Variants in GRIK3 observed in about 807,000 individuals in gnomAD.
GRIK3 encodes glutamate ionotropic receptor kainate type subunit 3.
GRIK3 carries 29 observed loss-of-function variants against 102.5 expected under a neutral mutation model. The observed-to-expected ratio is 0.28, with a 90% confidence interval of 0.21 to 0.39. The LOEUF is 0.39. Ranked by LOEUF, GRIK3 falls within the 10% of genes least tolerant of loss-of-function variation. The probability of loss-of-function intolerance (pLI) is 1.00; values close to 1 mark genes in which losing one functional copy is unlikely to be tolerated. For synonymous variants in GRIK3, 511 were observed against 504.9 expected, an observed-to-expected ratio of 1.01 and a Z score of -0.16; for missense variants, 908 against 1,252.4, an observed-to-expected ratio of 0.73 and a Z score of 4.15.
At chr1:36,921,758 T>C (rs1349938943) in intron 1 of GRIK3, among the ~76,000 whole-genome samples, 1 of 152,140 alleles carries the variant, frequency 6.6e-6, no homozygotes, top group Admixed American at 6.5e-5. Flanking sequence ...TTACTGTCGA[T>C]GTGTCTTAGA....
intron 11 of GRIK3, among the ~76,000 whole-genome samples, chr1:36,824,031 G>A (rs960378501): frequency 1.3e-5 from 2 of 152,078 alleles, no homozygotes; most frequent in Admixed American, 6.5e-5. Context: ...TTCCTAGCTC[G>A]GCGGCCAAAA....
chr1:36,810,071 A>C (rs567806763), intron 13 of GRIK3, among the ~76,000 whole-genome samples: 1 of 152,010 alleles, frequency 6.6e-6, no homozygotes, highest in Non-Finnish European at 1.5e-5. Flanking sequence ...CTTCCCCTTA[A>C]GTGCTGTCCT....
intron 1 of GRIK3, among the ~76,000 whole-genome samples, chr1:36,984,642 C>T (rs7513770): frequency 0.028 from 4,263 of 152,268 alleles, 202 homozygotes; most frequent in African/African-American, 0.096. Context: ...GAAGAGTGCA[C>T]GGTGGCTACA....
At chr1:36,985,071 C>G (rs1642290126) in intron 1 of GRIK3, among the ~76,000 whole-genome samples, 1 of 152,096 alleles carries the variant, frequency 6.6e-6, no homozygotes, top group Non-Finnish European at 1.5e-5. Context: ...CACCCTAAAA[C>G]GGGATCATCC....
At chr1:36,890,806 A>C in intron 2 of GRIK3, 114 bp downstream of exon 2, 1 of 751,610 alleles carries the variant, frequency 1.3e-6, no homozygotes, top group South Asian at 2.8e-5. Context: ...ACCAGGTAGA[A>C]AAGGCTCTGA....
intron 5 of GRIK3, among the ~76,000 whole-genome samples, chr1:36,867,832 C>A (rs1640802489): frequency 6.6e-6 from 1 of 152,172 alleles, no homozygotes; most frequent in Non-Finnish European, 1.5e-5. Flanking sequence ...CAAGTCCCAG[C>A]CGTAAATATC....
intron 5 of GRIK3, among the ~76,000 whole-genome samples, chr1:36,861,822 G>C (rs928873486): frequency 6.6e-6 from 1 of 152,104 alleles, no homozygotes; most frequent in Admixed American, 6.5e-5. Context: ...CTTGATTCCA[G>C]GTCAGGATCT....
At chr1:36,991,049 C>G (rs1318163080) in intron 1 of GRIK3, among the ~76,000 whole-genome samples, 3 of 152,152 alleles carry the variant, frequency 2.0e-5, no homozygotes, top group African/African-American at 7.2e-5. Context: ...AAATTGATTA[C>G]CCTGAGGTGC....
rs1278866463 is a variant in GRIK3, at chr1:37,034,152, C to A, written c.-44G>T. On this transcript the variant is annotated 5_prime_UTR_variant, in exon 1 of 16. Coordinates refer to ENST00000373091, the MANE Select transcript of GRIK3 (RefSeq NM_000831.4). ...GTGCCCGGGGCGCGGCCGTGGCGGG[C>A]TCCCTGGGGCGGCAGCTCTAGGCGC... is the stretch of plus-strand genomic sequence containing the variant. The A allele has an allele frequency of 1.4e-5, 14 of 1,010,364 alleles. No homozygotes were observed. Among genetic ancestry groups the A allele is most frequent in the Non-Finnish European group, 1.7e-5 (12 of 715,246 alleles). 62.6% of individuals were successfully genotyped at this position (1,010,364 alleles called of 1,614,324 possible).
chr1:37,029,356 CAA>C (rs1301825093), intron 1 of GRIK3, among the ~76,000 whole-genome samples: 2 of 152,206 alleles, frequency 1.3e-5, no homozygotes, highest in African/African-American at 4.8e-5. Flanking sequence ...GCGGGGTGTG[CAA>C]AGTCCCCCAG....
rs1159316676 is a variant in GRIK3 at position 36,796,988 on chromosome 1, T to A, written c.*4863A>T. The stretch of plus-strand genomic sequence containing the variant: ...CTGTCCTGCCTCAGACAGGCTCGGA[T>A]GGAGATGAGGTCCGTTGGCCATTCC... On this transcript the variant is annotated 3_prime_UTR_variant, in exon 16 of 16. Coordinates refer to ENST00000373091, the MANE Select transcript of GRIK3 (RefSeq NM_000831.4). 6.6e-6 allele frequency: 1 copy of A among 152,224 alleles called. No individual in the cohort carries two copies. The highest frequency in any genetic ancestry group is 1.5e-5 in the Non-Finnish European group (1 of 68,078). The allele number at this position is 152,224 out of a possible 1,614,324, so 9.4% of individuals were successfully genotyped here.
rs1358501788 is a variant in GRIK3, at chr1:36,819,857, G to A, written c.1755-3C>T. On this transcript the variant is annotated splice_polypyrimidine_tract_variant and splice_region_variant and intron_variant, in intron 11 of 15. Transcript: ENST00000373091. This position sits in a 1 kb window ranked among gnomAD's most constrained non-coding sequence, Gnocchi z 4.1. ...CGTACCACTCATAAGGGCTGAACCTGCCACAGGAGGAGAGGGACAGTCAGC... is the reference window on the plus strand; with the variant it reads ...CGTACCACTCATAAGGGCTGAACCTACCACAGGAGGAGAGGGACAGTCAGC... The A allele has an allele frequency of 2.0e-6, 3 of 1,472,592 alleles. No individual in the cohort carries two copies. Among genetic ancestry groups the A allele is most frequent in the African/African-American group, 2.8e-5 (2 of 72,328 alleles). The allele number at this position is 1,472,592 out of a possible 1,614,324, so 91.2% of individuals were successfully genotyped here. A position where few individuals can be genotyped will look rare whatever the true frequency, so the allele number is the denominator to read the frequency against.
At chr1:36,846,376 T>C (rs933790338) in intron 9 of GRIK3, among the ~76,000 whole-genome samples, 10 of 152,052 alleles carry the variant, frequency 6.6e-5, no homozygotes, top group Non-Finnish European at 1.3e-4. Flanking sequence ...GAGGGGAGAA[T>C]AGCAGGTAGG....
intron 1 of GRIK3, among the ~76,000 whole-genome samples, chr1:36,961,072 CTT>C (rs1418171052): frequency 6.6e-6 from 1 of 152,256 alleles, no homozygotes; most frequent in Non-Finnish European, 1.5e-5. Context: ...CAGCAGCTCT[CTT>C]GTTATCCTGT....
chr1:36,972,178 G>A (rs1642150204), intron 1 of GRIK3, among the ~76,000 whole-genome samples: 1 of 152,318 alleles, frequency 6.6e-6, no homozygotes, highest in Middle Eastern at 3.4e-3. Context: ...ATCCCAATGA[G>A]GCTGTGATTT....
At chr1:36,907,910 A>C (rs1641302124) in intron 1 of GRIK3, among the ~76,000 whole-genome samples, 1 of 152,210 alleles carries the variant, frequency 6.6e-6, no homozygotes, top group East Asian at 1.9e-4. Flanking sequence ...GTTCCCAGTG[A>C]GAGAGGCCCC....
chr1:36,895,308 T>C lies in GRIK3; in HGVS notation c.116-4212A>G, dbSNP rs186241930. 1.4e-4 allele frequency among the ~76,000 whole-genome samples: 21 copies of C among 152,218 alleles called. No homozygotes were observed. In the East Asian group the frequency reaches 3.9e-3, roughly 28 times the overall value. On this transcript the variant is annotated intron_variant, in intron 1 of 15. Transcript: ENST00000373091. Reference sequence around the variant, plus strand: ...AGCAAGCATCAGAACCAGATTCAGATATGGCATGGATTTTGGAATTATCAG... The same window carrying C: ...AGCAAGCATCAGAACCAGATTCAGACATGGCATGGATTTTGGAATTATCAG...
intron 1 of GRIK3, among the ~76,000 whole-genome samples, chr1:36,925,633 G>A (rs1641519049): frequency 6.6e-6 from 1 of 152,262 alleles, no homozygotes; most frequent in South Asian, 2.1e-4. Context: ...GGCTCTGCTG[G>A]TAGTGCAGCC....
chr1:36,930,279 G>A (rs1301730054), intron 1 of GRIK3, among the ~76,000 whole-genome samples: 2 of 152,160 alleles, frequency 1.3e-5, no homozygotes, highest in Admixed American at 6.5e-5. Flanking sequence ...ATAGGTGTGT[G>A]CACCCTCTTC....
Sources: gnomAD v4.1 joint callset for allele counts (sites outside exome capture counted in the v4.1 genomes callset) on GRCh38, gnomAD v4.1.1 for gene constraint, Gnocchi (gnomAD v3.1) non-coding constraint, MANE v1.5 for transcripts, NCBI Gene and HGNC (gene_info 2026-07-23, HGNC 2026-07-21) for gene names.